CEP120: variants seen among roughly 807,000 people sequenced by gnomAD.
CEP120 encodes the protein centrosomal protein 120, also known as centrosomal protein of 120 kDa.
Under a neutral mutation model 126.5 loss-of-function variants are expected in CEP120, and 113 were observed. That is an observed-to-expected ratio of 0.89 (90% CI 0.77 to 1.04). The LOEUF (loss-of-function observed/expected upper bound fraction) is 1.04, where lower values mean the gene tolerates loss of function less well. CEP120 is among the 50% of genes least tolerant of loss of function. CEP120 has a pLI of 0.00. For synonymous variants in CEP120, 400 were observed against 394.3 expected (o/e 1.01, Z -0.17); for missense variants, 1,230 against 1,155.7 (o/e 1.06, Z -0.93).
In CEP120 at chr5:123,383,848, C is replaced by A. The variant is rs577902983; in HGVS notation, c.1764-766G>T. Among the ~76,000 whole-genome samples the A allele has an allele frequency of 2.3e-3, 348 of 152,162 alleles. 2 individuals are homozygous for A. Among genetic ancestry groups the A allele is most frequent in the African/African-American group, 7.9e-3 (330 of 41,534 alleles). Reference sequence around the variant, plus strand: ...AAAATAAAATGCTAGTAATACAAAACCATGGTTTTGTCTAAATCAAATATA... The same window carrying A: ...AAAATAAAATGCTAGTAATACAAAAACATGGTTTTGTCTAAATCAAATATA... On this transcript the variant is annotated intron_variant, in intron 11 of 19. Transcript: ENST00000306467.
intron 3 of CEP120, among the ~76,000 whole-genome samples, chr5:123,413,265 C>A (rs149962827): frequency 2.5e-3 from 378 of 150,172 alleles, no homozygotes; most frequent in African/African-American, 8.9e-3. Context: ...GGAGTGAAGC[C>A]CTGTCGCAAA....
intron 4 of CEP120, among the ~76,000 whole-genome samples, chr5:123,407,466 C>T (rs1225432591): frequency 6.6e-6 from 1 of 151,906 alleles, no homozygotes. Flanking sequence ...AGACTTCAGA[C>T]CAAAGAAAGT....
chr5:123,422,458 A>T lies in CEP120; in HGVS notation c.49+492T>A, dbSNP rs116994372. On this transcript the variant is annotated intron_variant, in intron 1 of 19. Coordinates refer to ENST00000306467, the MANE Select transcript of CEP120 (RefSeq NM_001375405.1). ...CCCAATAAACCAATGTCATTCATCC[A>T]AAACACACCTTTTAAGGAATGTATA... is the stretch of plus-strand genomic sequence containing the variant. 1,154 of 1,508,132 alleles carry T rather than the reference A, an allele frequency of 7.7e-4. 18 individuals carry two copies. In the East Asian group the frequency reaches 0.025, roughly 33 times the overall value. 93.4% of individuals were successfully genotyped at this position (1,508,132 alleles called of 1,614,324 possible).
chr5:123,350,269 C>T (rs1019239651), intron 18 of CEP120, among the ~76,000 whole-genome samples, 180 bp from the exon 19 acceptor site: 17 of 151,868 alleles, frequency 1.1e-4, no homozygotes, highest in Non-Finnish European at 1.5e-4. Flanking sequence ...ACTGGCTAGT[C>T]ACAGGAGCAA....
intron 18 of CEP120, among the ~76,000 whole-genome samples, chr5:123,359,082 A>G (rs1301054256): frequency 1.3e-5 from 2 of 152,094 alleles, no homozygotes; most frequent in Non-Finnish European, 2.9e-5. Context: ...GCTTGGCTAA[A>G]TTACTTATAA....
chr5:123,412,594 AT>A (rs1356469491), intron 3 of CEP120, 54 bp from the exon 4 acceptor site: 15 of 1,317,936 alleles, frequency 1.1e-5, no homozygotes, highest in African/African-American at 1.5e-5. Context: ...GAAAAAACAT[AT>A]TGGGAAATGC....
intron 17 of CEP120, among the ~76,000 whole-genome samples, chr5:123,372,386 C>T (rs1334988229): frequency 2.0e-5 from 3 of 152,064 alleles, no homozygotes; most frequent in Non-Finnish European, 4.4e-5. Context: ...CTTTAGCCTC[C>T]TGAAAGTTTT....
chr5:123,384,973 C>G lies in CEP120; in HGVS notation c.1741G>C (p.Val581Leu), dbSNP rs776183973. Reference sequence around the variant, plus strand: ...TACCCTTGTGCTGCTATAACAGGCACACTTTCACTGTAAGTTTGACGCCAA... The same window carrying G: ...TACCCTTGTGCTGCTATAACAGGCAGACTTTCACTGTAAGTTTGACGCCAA... ...QCWRQTYSES[V>L]PVIAAQGSNN... Residue 581 changes from valine (V) to leucine (L), a missense_variant, in exon 11 of 20, where the codon GTG becomes CTG. By Grantham distance (32) the Val-to-Leu change is conservative (BLOSUM62 1). Transcript: ENST00000306467. 3.1e-6 allele frequency: 5 copies of G among 1,610,906 alleles called. No homozygotes were observed. In the Admixed American group the frequency reaches 8.4e-5, roughly 27 times the overall value.
At chr5:123,355,892 G>A (rs78254439) in intron 18 of CEP120, among the ~76,000 whole-genome samples, 102,790 of 145,252 alleles carry the variant, frequency 0.71, 36,715 homozygotes, top group African/African-American at 0.74. Flanking sequence ...GTTTTCTTCT[G>A]GGGTTTTTAT....
intron 18 of CEP120, among the ~76,000 whole-genome samples, chr5:123,355,485 G>A (rs1580632841): frequency 6.6e-6 from 1 of 152,022 alleles, no homozygotes; most frequent in African/African-American, 2.4e-5. Context: ...ATTCTAACTG[G>A]TGTGAGATAG....
At chr5:123,395,904 G>A (rs887890078) in intron 5 of CEP120, among the ~76,000 whole-genome samples, 6 of 151,146 alleles carry the variant, frequency 4.0e-5, no homozygotes, top group Admixed American at 6.6e-5. Flanking sequence ...GGATGGTCTC[G>A]ATCTCCTGAC....
At chr5:123,418,245 CA>C in intron 2 of CEP120, 113 bp downstream of exon 2, 1 of 984,792 alleles carries the variant, frequency 1.0e-6, no homozygotes, top group Non-Finnish European at 1.4e-6. Context: ...GCAGATATTC[CA>C]AAAATCCGAA....
chr5:123,393,223 A>G, intron 6 of CEP120, 77 bp downstream of exon 6: 3 of 1,308,834 alleles, frequency 2.3e-6, no homozygotes, highest in Non-Finnish European at 2.2e-6. Context: ...TAGGTACTAA[A>G]CTCTCGTTTA....
intron 9 of CEP120, 68 bp from the exon 10 acceptor site, chr5:123,386,735 G>T (rs1468657770): frequency 3.4e-6 from 4 of 1,185,778 alleles, no homozygotes; most frequent in Admixed American, 7.0e-5. Flanking sequence ...CATTCAGTCT[G>T]TTTTTTAGAA....
intron 16 of CEP120, among the ~76,000 whole-genome samples, chr5:123,375,196 T>G (rs968494364): frequency 1.2e-4 from 18 of 152,214 alleles, no homozygotes; most frequent in African/African-American, 4.3e-4. Context: ...TTCCCCCAGG[T>G]TTTAGAACAG....
At chr5:123,418,834 C>T (rs1045575005) in intron 1 of CEP120, among the ~76,000 whole-genome samples, 24 of 152,082 alleles carry the variant, frequency 1.6e-4, no homozygotes, top group Non-Finnish European at 2.9e-5. Context: ...CTACCTGCCT[C>T]GGCCTCCCAA....
At chr5:123,401,621 T>A in intron 4 of CEP120, 1 of 1,428,692 alleles carries the variant, frequency 7.0e-7, no homozygotes, top group Non-Finnish European at 9.8e-7. Context: ...CACAGATGTG[T>A]CTGAGATCCA....
chr5:123,351,943 GC>G (rs1299341613), intron 18 of CEP120, among the ~76,000 whole-genome samples: 1 of 151,986 alleles, frequency 6.6e-6, no homozygotes, highest in Non-Finnish European at 1.5e-5. Flanking sequence ...GCATTCCAAT[GC>G]TTTATATTCT....
At position 123,399,201 on chromosome 5, in the gene CEP120, C is replaced by T. The variant is rs879077864; in HGVS notation, c.547G>A (p.Ala183Thr). The T allele has an allele frequency of 1.9e-6, 3 of 1,613,898 alleles. No homozygotes were observed. The highest frequency in any genetic ancestry group is 1.3e-5 in the African/African-American group (1 of 74,924). The stretch of plus-strand genomic sequence containing the variant: ...ATAAAGGAGTCAGTACAGTATTCTG[C>T]TGGTCCAATCTGATGGTAGCCTCCC... ...EEGGYHQIGP[A>T]EYCTDSFIMS... Residue 183 changes from alanine to threonine, a missense_variant, in exon 5 of 20, where the codon GCA (alanine) becomes ACA (threonine). By Grantham distance (58) the Ala-to-Thr change is moderately conservative. Coordinates refer to ENST00000306467, the MANE Select transcript of CEP120 (RefSeq NM_001375405.1).
Sources: allele counts gnomAD v4.1 joint callset (sites outside exome capture counted in the v4.1 genomes callset), GRCh38; gene constraint gnomAD v4.1.1; transcripts MANE v1.5; gene names NCBI Gene and HGNC (gene_info 2026-07-23, HGNC 2026-07-21).